Variants in ARHGAP45 observed in about 807,000 individuals in gnomAD.
The protein encoded by ARHGAP45 is rho GTPase-activating protein 45.
ARHGAP45 carries 56 observed loss-of-function variants against 116.1 expected under a neutral mutation model. That is an observed-to-expected ratio of 0.48 (90% CI 0.39 to 0.60). The LOEUF is 0.60. ARHGAP45 is among the 20% of genes least tolerant of loss of function. The pLI is 0.00. For missense variants in ARHGAP45, 1,622 were observed against 1,601.0 expected, an observed-to-expected ratio of 1.01 and a Z score of -0.22; for synonymous variants, 866 against 701.7, an observed-to-expected ratio of 1.23 and a Z score of -3.70.
At chr19:1,080,808 T>C (rs1201598245) in intron 16 of ARHGAP45, 22 bp downstream of exon 16, 1 of 1,612,310 alleles carries the variant, frequency 6.2e-7, no homozygotes, top group Non-Finnish European at 8.5e-7. Flanking sequence ...CTGACGGGGC[T>C]GGAGAGAGAG....
In ARHGAP45 at chr19:1,082,938, G is replaced by A. The variant is rs1327391523; in HGVS notation, c.2616G>A (p.Arg872=). 6.3e-7 allele frequency: 1 copy of A among 1,583,144 alleles called. No homozygotes were observed. The highest frequency in any genetic ancestry group is 8.6e-7 in the Non-Finnish European group (1 of 1,167,682). Residue 872 remains arginine, a synonymous_variant, in exon 20 of 23, where the codon CGG becomes CGA. Transcript: ENST00000313093. ...AGGCCGAGGCCAAGGCGGCGTCCCG[G>A]GGCCGGCAGGACGGCTCGGAGAGCG... ...KAEAEAKAAS[R]GRQDGSESEA...
chr19:1,082,963 G>A lies in ARHGAP45; in HGVS notation c.2641G>A (p.Glu881Lys). The A allele has an allele frequency of 6.4e-7, 1 of 1,567,646 alleles. No homozygotes were observed. The highest frequency in any genetic ancestry group is 1.2e-5 in the South Asian group (1 of 86,538). ...GGGCCGGCAGGACGGCTCGGAGAGC[G>A]AGGCAGTGGCGGTGGCCCTGGCAGG... ...SRGRQDGSES[E>K]AVAVALAGRL... The change falls in exon 20 of 23, where the codon GAG becomes AAG. Residue 881 changes from glutamate (E) to lysine (K), a missense_variant. This residue lies in a region of ARHGAP45 where 1,334 missense variants were observed against 1,263.8 expected (regional missense o/e 1.06). Coordinates refer to ENST00000313093, the MANE Select transcript of ARHGAP45 (RefSeq NM_012292.5).
At chr19:1,067,750 G>T (rs1308030896) in intron 1 of ARHGAP45, 3 of 669,884 alleles carry the variant, frequency 4.5e-6, no homozygotes, top group Non-Finnish European at 8.2e-6. Context: ...GAGCAGGAAG[G>T]GAGGGTGCCG....
At chr19:1,077,770 G>A (rs774589149) in intron 10 of ARHGAP45, 87 bp from the exon 11 acceptor site, 103 of 1,544,106 alleles carry the variant, frequency 6.7e-5, no homozygotes, top group Non-Finnish European at 5.3e-5. Context: ...GAGAGAGATG[G>A]GGGTGGGGAG....
Position 1,067,248 on chromosome 19 carries a change from G to A in ARHGAP45, c.-158G>A. 5.1e-6 allele frequency: 7 copies of A among 1,380,048 alleles called. No individual in the cohort carries two copies. Among genetic ancestry groups the A allele is most frequent in the Non-Finnish European group, 6.6e-6 (7 of 1,068,660 alleles). The allele number at this position is 1,380,048 out of a possible 1,614,324, so 85.5% of individuals were successfully genotyped here. On this transcript the variant is annotated 5_prime_UTR_variant, in exon 1 of 23. Transcript: ENST00000313093. ...GCCTCCCCGAAGCCTTTTCCTGTTG[G>A]GGGGAGGGCCCGCCAGTGACGGCCG...
rs1292991237 is a variant in ARHGAP45, at chr19:1,073,324, C to G, written c.565+32C>G. ...CTGCTGGAACAGGGCTGCGAGGGCT[C>G]TCTGCCTAGAAGGGCATCCTGGAGG... On this transcript the variant is annotated intron_variant, in intron 3 of 22. Coordinates refer to ENST00000313093, the MANE Select transcript of ARHGAP45 (RefSeq NM_012292.5). 3.7e-6 allele frequency: 6 copies of G among 1,609,810 alleles called. No homozygotes were observed. In the South Asian group the frequency reaches 4.4e-5, roughly 12 times the overall value.
chr19:1,081,481 T>G, intron 17 of ARHGAP45, 69 bp from the exon 18 acceptor site: 1 of 1,390,692 alleles, frequency 7.2e-7, no homozygotes, highest in Admixed American at 3.1e-5. Flanking sequence ...GGAGGTGGGG[T>G]GGAGCCGCTG....
At chr19:1,080,635 G>C (rs749314137) in intron 15 of ARHGAP45, 47 bp from the exon 16 acceptor site, 1 of 1,604,516 alleles carries the variant, frequency 6.2e-7, no homozygotes, top group Admixed American at 1.7e-5. Context: ...GTGATGGAGG[G>C]GGCCCCCCTG....
rs1448988717 is a variant in ARHGAP45, at chr19:1,086,095, T to C, written c.*89T>C. On this transcript the variant is annotated 3_prime_UTR_variant, in exon 23 of 23. Coordinates refer to ENST00000313093, the MANE Select transcript of ARHGAP45 (RefSeq NM_012292.5). ...CCCCTGCACCACGGCATAGCTTAGG[T>C]GCGCCGTCCTGGGGTCGCTGCCGAG... 8.1e-7 allele frequency: 1 copy of C among 1,237,986 alleles called. No homozygotes were observed. The highest frequency in any genetic ancestry group is 2.1e-5 in the Admixed American group (1 of 47,880). The allele number at this position is 1,237,986 out of a possible 1,614,324, so 76.7% of individuals were successfully genotyped here.
rs757632402 is a variant in ARHGAP45, at chr19:1,079,743, A to T, written c.1415A>T (p.Asp472Val). ...AMATYRTCVA[D>V]AKTQKQELED... ...GCCACCTACCGCACCTGCGTGGCCGACGCGAAGACGCAGAAGCAGGAGCTG... is the reference window on the plus strand; with the variant it reads ...GCCACCTACCGCACCTGCGTGGCCGTCGCGAAGACGCAGAAGCAGGAGCTG... Residue 472 changes from aspartate to valine, a missense_variant, in exon 12 of 23, where the codon GAC becomes GTC. Asp to Val is a radical substitution (Grantham distance 152). This residue lies in a region of ARHGAP45 where 1,334 missense variants were observed against 1,263.8 expected (regional missense o/e 1.06). Transcript: ENST00000313093. 5.6e-6 allele frequency: 9 copies of T among 1,612,442 alleles called. No homozygotes were observed. In the South Asian group the frequency reaches 9.9e-5, roughly 18 times the overall value.
chr19:1,085,572 T>TGTCC (rs2043599511), intron 22 of ARHGAP45, 88 bp from the exon 23 acceptor site: 3 of 799,438 alleles, frequency 3.8e-6, no homozygotes, highest in South Asian at 3.8e-5. Context: ...CTCTCCTGTC[T>TGTCC]CTCCCCATCT....
At chr19:1,067,160 C>G (rs904251302), upstream of ARHGAP45, 2 of 1,222,898 alleles carry the variant, frequency 1.6e-6, no homozygotes, top group African/African-American at 3.2e-5. Flanking sequence ...ACCTCACCTT[C>G]GCGCCCACTC....
rs374344042 is a variant in ARHGAP45, at chr19:1,077,990, C to T, written c.1319C>T (p.Thr440Met). ...QAGSAPGAGSTATKTLDKRRR... is the reference protein window; with the variant it reads ...QAGSAPGAGSMATKTLDKRRR... ...GGCAGCGCGCCGGGAGCAGGCAGCA[C>T]GGCCACCAAGACCCTGGACAAGCGG... Residue 440 changes from threonine to methionine, a missense_variant, in exon 11 of 23, where the codon ACG (threonine) becomes ATG (methionine). Transcript: ENST00000313093. 41 of 1,554,836 alleles carry T rather than the reference C, an allele frequency of 2.6e-5. No individual in the cohort carries two copies. Among genetic ancestry groups the T allele is most frequent in the Middle Eastern group, 3.3e-4 (2 of 5,978 alleles).
At chr19:1,079,361 C>T (rs1163510309) in intron 11 of ARHGAP45, among the ~76,000 whole-genome samples, 1 of 149,678 alleles carries the variant, frequency 6.7e-6, no homozygotes, top group East Asian at 2.0e-4. Context: ...AAAAATTAAC[C>T]GGGTATGGTG....
rs2043066127 is a variant in ARHGAP45 at position 1,067,751 on chromosome 19, G to C, written c.90+256G>C. 1.2e-5 allele frequency: 8 copies of C among 670,116 alleles called. No individual in the cohort carries two copies. The South Asian group carries it at 1.2e-4, about 10-fold the overall frequency. 41.5% of individuals were successfully genotyped at this position (670,116 alleles called of 1,614,324 possible). ...CCGCGGGGCCCAGGGAGCAGGAAGG[G>C]AGGGTGCCGGGTTGGGACGATGTTG... is the stretch of plus-strand genomic sequence containing the variant. On this transcript the variant is annotated intron_variant, in intron 1 of 22. Transcript: ENST00000313093.
intron 22 of ARHGAP45, 106 bp downstream of exon 22, chr19:1,084,452 T>A (rs2074455): frequency 0.6 from 469,761 of 778,230 alleles, 147,904 homozygotes; most frequent in Middle Eastern, 0.66. Flanking sequence ...TCCACGGTGC[T>A]GCACATTCTG....
At position 1,080,344 on chromosome 19, in the gene ARHGAP45, G is replaced by A; in HGVS notation, c.1793G>A (p.Gly598Glu). ...EAAGSPPEEG[G>E]CTEGTPAKDH... ...GCCGGGAGCCCCCCAGAAGAAGGCG[G>A]GTGCACTGAGGGCACACCTGCCAAG... Residue 598 changes from glycine (G) to glutamate (E), a missense_variant, in exon 14 of 23, where the codon GGG (glycine) becomes GAG (glutamate). Physicochemically the swap from Gly to Glu is moderately conservative, Grantham distance 98. This residue lies in a region of ARHGAP45 where 1,334 missense variants were observed against 1,263.8 expected (regional missense o/e 1.06). Transcript: ENST00000313093. 4.4e-6 allele frequency: 7 copies of A among 1,608,368 alleles called. No individual in the cohort carries two copies. Among genetic ancestry groups the A allele is most frequent in the Non-Finnish European group, 5.9e-6 (7 of 1,178,950 alleles).
intron 11 of ARHGAP45, 26 bp from the exon 12 acceptor site, chr19:1,079,677 C>G (rs1310567290): frequency 1.2e-6 from 2 of 1,611,250 alleles, no homozygotes; most frequent in Non-Finnish European, 1.7e-6. Flanking sequence ...TGAGGCCTCT[C>G]TCTGTGCGCC....
intron 2 of ARHGAP45, among the ~76,000 whole-genome samples, chr19:1,072,444 A>G (rs2043158223): frequency 6.6e-6 from 1 of 152,070 alleles, no homozygotes; most frequent in Non-Finnish European, 1.5e-5. Flanking sequence ...TTACAGAGAC[A>G]GGGTCTTACT....
Sources: allele counts gnomAD v4.1 joint callset (sites outside exome capture counted in the v4.1 genomes callset), GRCh38; gene constraint gnomAD v4.1.1; regional missense constraint gnomAD v4.1.1; transcripts MANE v1.5; gene names NCBI Gene and HGNC (gene_info 2026-07-23, HGNC 2026-07-21).